MGMT: variants seen among roughly 807,000 people sequenced by gnomAD.
MGMT encodes methylated-DNA--protein-cysteine methyltransferase.
A neutral mutation model predicts 15.9 loss-of-function variants in MGMT; 14 were observed. That is an observed-to-expected ratio of 0.88 (90% CI 0.58 to 1.37). The LOEUF is 1.37. Ranked by LOEUF, MGMT falls within the 40% of genes most tolerant of loss-of-function variation. The pLI is 0.00. For synonymous variants in MGMT, 130 were observed against 118.2 expected (o/e 1.10, Z -0.65); for missense variants, 282 against 268.1 (o/e 1.05, Z -0.36).
intron 3 of MGMT, among the ~76,000 whole-genome samples, chr10:129,710,293 G>T (rs1412187970): frequency 6.6e-6 from 1 of 152,234 alleles, no homozygotes; most frequent in African/African-American, 2.4e-5. Flanking sequence ...GCTGGGACGA[G>T]GTCCACTCCA....
chr10:129,618,240 G>C (rs1847051228), intron 2 of MGMT, among the ~76,000 whole-genome samples: 1 of 152,094 alleles, frequency 6.6e-6, no homozygotes, highest in African/African-American at 2.4e-5. Context: ...ATTTACCTGA[G>C]ACATAATTTC....
At chr10:129,650,308 G>A (rs1335337194) in intron 2 of MGMT, among the ~76,000 whole-genome samples, 1 of 152,122 alleles carries the variant, frequency 6.6e-6, no homozygotes, top group Non-Finnish European at 1.5e-5. Flanking sequence ...TTGTAAATCT[G>A]GTGTCTCTGT....
intron 2 of MGMT, among the ~76,000 whole-genome samples, chr10:129,604,835 C>T (rs969066806): frequency 6.8e-6 from 1 of 147,936 alleles, no homozygotes; most frequent in African/African-American, 2.5e-5. Context: ...AAAAAAGATA[C>T]TGCCAGAGCC....
intron 2 of MGMT, among the ~76,000 whole-genome samples, chr10:129,573,403 C>G (rs1023404642): frequency 3.3e-5 from 5 of 152,150 alleles, no homozygotes; most frequent in Non-Finnish European, 7.4e-5. Flanking sequence ...CATGGTTTGT[C>G]AAAACTAGGA....
chr10:129,520,813 C>CGGGTGCAGAGCCCCTAT (rs1564841103), intron 1 of MGMT, among the ~76,000 whole-genome samples: 3 of 143,494 alleles, frequency 2.1e-5, no homozygotes, highest in Middle Eastern at 3.7e-3. Flanking sequence ...AGAGCCCCTA[C>CGGGTGCAGAGCCCCTAT]GGTGCGGGTA....
chr10:129,587,818 C>CT (rs1280358757), intron 2 of MGMT, among the ~76,000 whole-genome samples: 3 of 152,060 alleles, frequency 2.0e-5, no homozygotes, highest in African/African-American at 4.8e-5. Context: ...ATTCTAACAT[C>CT]TTTGTCAGTT....
At chr10:129,468,323 T>C (rs1341548575) in intron 1 of MGMT, among the ~76,000 whole-genome samples, 2 of 152,126 alleles carry the variant, frequency 1.3e-5, no homozygotes, top group African/African-American at 4.8e-5. Context: ...GTGAAAACTT[T>C]GAAGGAAACC....
chr10:129,665,756 C>G (rs1279058161), intron 2 of MGMT, among the ~76,000 whole-genome samples: 1 of 152,120 alleles, frequency 6.6e-6, no homozygotes, highest in Non-Finnish European at 1.5e-5. Flanking sequence ...AGTTTTACTT[C>G]ATGTAAAAAA....
intron 2 of MGMT, among the ~76,000 whole-genome samples, chr10:129,567,635 A>G (rs1846371890): frequency 6.6e-6 from 1 of 152,190 alleles, no homozygotes; most frequent in Non-Finnish European, 1.5e-5. Context: ...TCTTAGTAGT[A>G]ATAAAAGCAC....
intron 3 of MGMT, among the ~76,000 whole-genome samples, chr10:129,714,126 G>T (rs939285371): frequency 6.6e-6 from 1 of 152,188 alleles, no homozygotes; most frequent in Admixed American, 6.5e-5. Flanking sequence ...GCCCCTAGGC[G>T]CCCCGAGCTC....
intron 2 of MGMT, among the ~76,000 whole-genome samples, chr10:129,653,297 C>T (rs552302904): frequency 5.8e-4 from 88 of 152,348 alleles, no homozygotes; most frequent in Non-Finnish European, 1.0e-3. Context: ...TGAAAATTAG[C>T]ATCCCTAAGT....
At chr10:129,507,912 C>T (rs980042565) in intron 1 of MGMT, among the ~76,000 whole-genome samples, 2 of 152,210 alleles carry the variant, frequency 1.3e-5, no homozygotes, top group Non-Finnish European at 2.9e-5. Flanking sequence ...CATTCCACCA[C>T]AGGTTTGTAG....
chr10:129,527,666 C>T (rs1845885461), intron 1 of MGMT, among the ~76,000 whole-genome samples: 1 of 152,186 alleles, frequency 6.6e-6, no homozygotes, highest in South Asian at 2.1e-4. Flanking sequence ...CACACATCGT[C>T]ACCCTGTCTC....
At chr10:129,547,604 G>A (rs1193753973) in intron 2 of MGMT, among the ~76,000 whole-genome samples, 2 of 152,186 alleles carry the variant, frequency 1.3e-5, no homozygotes, top group Non-Finnish European at 2.9e-5. Context: ...CCGTTTTCTT[G>A]CAGTGATTGT....
intron 1 of MGMT, among the ~76,000 whole-genome samples, chr10:129,480,542 G>C (rs374708848): frequency 1.4e-4 from 21 of 152,260 alleles, no homozygotes; most frequent in African/African-American, 4.1e-4. Flanking sequence ...GTATTGGGAA[G>C]CCATGGTGGT....
At chr10:129,660,077 A>G (rs776277532) in intron 2 of MGMT, among the ~76,000 whole-genome samples, 7 of 152,110 alleles carry the variant, frequency 4.6e-5, no homozygotes, top group Non-Finnish European at 7.3e-5. Flanking sequence ...TCCAACAGCC[A>G]TTTGTCTTTT....
At chr10:129,710,161 A>G (rs1417443185) in intron 3 of MGMT, among the ~76,000 whole-genome samples, 1 of 152,140 alleles carries the variant, frequency 6.6e-6, no homozygotes, top group Middle Eastern at 3.2e-3. Context: ...CTGGCAGGTC[A>G]TGATAGGTCT....
At chr10:129,763,282 T>G (rs1848895920) in intron 4 of MGMT, among the ~76,000 whole-genome samples, 1 of 152,216 alleles carries the variant, frequency 6.6e-6, no homozygotes, top group African/African-American at 2.4e-5. Context: ...ACAGATCCTT[T>G]GAAAATGTCC....
intron 2 of MGMT, among the ~76,000 whole-genome samples, chr10:129,694,833 A>G (rs1208070745): frequency 6.6e-6 from 1 of 152,210 alleles, no homozygotes; most frequent in Non-Finnish European, 1.5e-5. Context: ...GGCCTCCAGC[A>G]TGATTTCATC....
Sources: gnomAD v4.1 joint callset for allele counts (sites outside exome capture counted in the v4.1 genomes callset) on GRCh38, gnomAD v4.1.1 for gene constraint, MANE v1.5 for transcripts, NCBI Gene and HGNC (gene_info 2026-07-23, HGNC 2026-07-21) for gene names.